Variants in KIAA2012 observed in about 807,000 individuals in gnomAD.
The protein encoded by KIAA2012 is uncharacterized protein KIAA2012.
A neutral mutation model predicts 150.6 loss-of-function variants in KIAA2012; 125 were observed. The observed-to-expected ratio is 0.83, with a 90% CI of 0.72 to 0.96. The LOEUF is 0.96. KIAA2012 is among the 40% of genes least tolerant of loss of function. The probability of loss-of-function intolerance (pLI) is 0.00; values close to 1 mark genes in which losing one functional copy is unlikely to be tolerated. For missense variants in KIAA2012, 1,219 were observed against 1,354.9 expected (o/e 0.90, Z 1.57); for synonymous variants, 462 against 504.7 (o/e 0.92, Z 1.13).
In KIAA2012 at chr2:202,196,903, G is replaced by A. The variant is rs1174027094; in HGVS notation, c.3291G>A (p.Arg1097=). ...AGGAACGACTGGAGTACCAGCGGCGGAAACAGGAAGCAGAAGAGAAGGCTC... is the reference window on the plus strand; with the variant it reads ...AGGAACGACTGGAGTACCAGCGGCGAAAACAGGAAGCAGAAGAGAAGGCTC... ...AEEERLEYQR[R]KQEAEEKARL... The change falls in exon 22 of 24, where the codon CGG becomes CGA. Residue 1097 remains arginine, a synonymous_variant. Transcript: ENST00000498697. 2.6e-6 allele frequency: 4 copies of A among 1,550,608 alleles called. No homozygotes were observed. Among genetic ancestry groups the A allele is most frequent in the East Asian group, 4.9e-5 (2 of 40,934 alleles).
rs147297010 is a variant in KIAA2012, at chr2:202,078,797, C to T, written c.369+3622C>T. 3.2e-3 allele frequency among the ~76,000 whole-genome samples: 491 copies of T among 152,268 alleles called. 1 individual carries two copies. Among genetic ancestry groups the T allele is most frequent in the African/African-American group, 0.011 (455 of 41,544 alleles). On this transcript the variant is annotated intron_variant, in intron 2 of 23. Coordinates refer to ENST00000498697, the MANE Select transcript of KIAA2012 (RefSeq NM_001277372.4). ...TGAGGAAATAGAAGCACAGAGAACT[C>T]GAGTGACTCACTCAAAGTTATACAG...
intron 22 of KIAA2012, chr2:202,201,349 T>A: frequency 6.3e-7 from 1 of 1,585,566 alleles, no homozygotes; most frequent in South Asian, 1.1e-5. Context: ...GTATGTGATG[T>A]CTTTCCCGGC....
chr2:202,074,780 G>A, intron 1 of KIAA2012, 111 bp from the exon 2 acceptor site: 1 of 1,120,722 alleles, frequency 8.9e-7, no homozygotes, highest in Non-Finnish European at 1.2e-6. Flanking sequence ...CATGTGAACA[G>A]TTCAGAGAAA....
chr2:202,202,209 A>T (rs1257672428), intron 22 of KIAA2012, among the ~76,000 whole-genome samples: 11 of 152,178 alleles, frequency 7.2e-5, no homozygotes, highest in Non-Finnish European at 1.5e-4. Flanking sequence ...ACTGTGAATT[A>T]TGCCTCTCTT....
intron 22 of KIAA2012, among the ~76,000 whole-genome samples, chr2:202,200,561 A>T (rs893121416): frequency 2.0e-5 from 3 of 152,000 alleles, no homozygotes; most frequent in African/African-American, 7.2e-5. Context: ...GACTGGCGGG[A>T]GGAAATGGAA....
chr2:202,169,077 C>G (rs1691831095), intron 15 of KIAA2012, among the ~76,000 whole-genome samples: 1 of 152,058 alleles, frequency 6.6e-6, no homozygotes, highest in African/African-American at 2.4e-5. Flanking sequence ...GCAGGGGGTC[C>G]CTGGGATCCA....
intron 13 of KIAA2012, among the ~76,000 whole-genome samples, chr2:202,142,242 C>T (rs1263591375): frequency 6.6e-6 from 1 of 152,182 alleles, no homozygotes; most frequent in Non-Finnish European, 1.5e-5. Flanking sequence ...AACTGGTATA[C>T]TTATACACTT....
chr2:202,175,892 C>G (rs1168708828), intron 15 of KIAA2012, among the ~76,000 whole-genome samples: 8 of 152,084 alleles, frequency 5.3e-5, no homozygotes, highest in Admixed American at 5.2e-4. Context: ...TAGAGACAGA[C>G]AGAAGAGAAT....
chr2:202,169,871 G>A (rs1027685022), intron 15 of KIAA2012, among the ~76,000 whole-genome samples: 9 of 152,166 alleles, frequency 5.9e-5, no homozygotes, highest in African/African-American at 1.9e-4. Context: ...AGGGAAGGGC[G>A]GATTGCTTCT....
At chr2:202,138,047 T>G (rs1466461233) in intron 12 of KIAA2012, 1 of 159,956 alleles carries the variant, frequency 6.3e-6, no homozygotes, top group East Asian at 1.8e-4. Flanking sequence ...CTTTTCCTAC[T>G]TCAGTGAAGT....
chr2:202,197,044 G>T, intron 22 of KIAA2012, 25 bp downstream of exon 22: 2 of 1,550,316 alleles, frequency 1.3e-6, no homozygotes, highest in Non-Finnish European at 1.7e-6. Context: ...GGCAACAGTT[G>T]CCATAGGGGG....
rs1439149075 is a variant in KIAA2012 at position 202,097,477 on chromosome 2, A to G, written c.728A>G (p.His243Arg). The change falls in exon 5 of 24, where the codon CAC becomes CGC. Residue 243 changes from histidine (H) to arginine (R), a missense_variant. Physicochemically the swap from His to Arg is conservative, Grantham distance 29. Coordinates refer to ENST00000498697, the MANE Select transcript of KIAA2012 (RefSeq NM_001277372.4). ...LDEGEAGAAG[H>R]VDQGPLAKNH... ...GAAGGGGAAGCTGGAGCTGCTGGAC[A>G]CGTGGACCAGGGCCCTCTAGCCAAG... 8 of 1,550,428 alleles carry G rather than the reference A, an allele frequency of 5.2e-6. No homozygotes were observed. The Middle Eastern group carries it at 1.0e-3, about 193-fold the overall frequency.
chr2:202,125,994 G>A (rs1004136933), intron 12 of KIAA2012: 24 of 329,232 alleles, frequency 7.3e-5, no homozygotes, highest in African/African-American at 2.1e-4. Flanking sequence ...CGCTCTTGTC[G>A]CCCAGGCTGG....
At chr2:202,202,981 C>T (rs1488386866) in intron 23 of KIAA2012, among the ~76,000 whole-genome samples, 3 of 151,830 alleles carry the variant, frequency 2.0e-5, no homozygotes, top group Non-Finnish European at 2.9e-5. Flanking sequence ...AGTTCCATTT[C>T]ATCTGCTTAA....
At chr2:202,195,576 A>C (rs4560092) in intron 21 of KIAA2012, among the ~76,000 whole-genome samples, 1 of 151,830 alleles carries the variant, frequency 6.6e-6, no homozygotes. Context: ...TGAAAATATA[A>C]GTTATTGTTA....
intron 19 of KIAA2012, 113 bp downstream of exon 19, chr2:202,190,606 A>G: frequency 1.3e-6 from 1 of 780,044 alleles, no homozygotes; most frequent in South Asian, 2.0e-5. Context: ...CAGCTCGACC[A>G]CCTAATGGTC....
intron 15 of KIAA2012, among the ~76,000 whole-genome samples, chr2:202,183,368 C>T (rs560698543): frequency 1.4e-5 from 2 of 143,698 alleles, no homozygotes; most frequent in Admixed American, 7.2e-5. Context: ...TGCAGTGAGC[C>T]GGGATTGTGC....
At chr2:202,139,752 T>C (rs1691161002) in intron 13 of KIAA2012, among the ~76,000 whole-genome samples, 1 of 152,164 alleles carries the variant, frequency 6.6e-6, no homozygotes, top group Admixed American at 6.5e-5. Context: ...TTTGCAGACA[T>C]CCCATTTACG....
chr2:202,187,374 G>A (rs144036364), intron 17 of KIAA2012, among the ~76,000 whole-genome samples: 49 of 152,028 alleles, frequency 3.2e-4, no homozygotes, highest in African/African-American at 1.1e-3. Flanking sequence ...GCGCGGTCTC[G>A]GCTTACTGCA....
Sources: allele counts gnomAD v4.1 joint callset (sites outside exome capture counted in the v4.1 genomes callset), GRCh38; gene constraint gnomAD v4.1.1; transcripts MANE v1.5; gene names NCBI Gene and HGNC (gene_info 2026-07-23, HGNC 2026-07-21).